CTNNA2: variants seen among roughly 807,000 people sequenced by gnomAD.
CTNNA2 encodes the protein catenin alpha-2.
CTNNA2 carries 42 observed loss-of-function variants against 101.0 expected under a neutral mutation model. That is an observed-to-expected ratio of 0.42 (90% CI 0.32 to 0.54). CTNNA2 has a LOEUF of 0.54. Ranked by LOEUF, CTNNA2 falls within the 20% of genes least tolerant of loss-of-function variation. The probability of loss-of-function intolerance (pLI) is 0.14; values close to 1 mark genes in which losing one functional copy is unlikely to be tolerated. For synonymous variants in CTNNA2, 450 were observed against 456.4 expected, an observed-to-expected ratio of 0.99 and a Z score of 0.18; for missense variants, 871 against 1,223.1, an observed-to-expected ratio of 0.71 and a Z score of 4.29.
intron 7 of CTNNA2, among the ~76,000 whole-genome samples, chr2:80,235,362 A>T (rs1709489593): frequency 6.6e-6 from 1 of 152,202 alleles, no homozygotes; most frequent in African/African-American, 2.4e-5. Flanking sequence ...AGATTTTTCC[A>T]AGTATTCGGG....
At chr2:80,237,533 A>G (rs1709610502) in intron 7 of CTNNA2, among the ~76,000 whole-genome samples, 1 of 152,134 alleles carries the variant, frequency 6.6e-6, no homozygotes, top group Non-Finnish European at 1.5e-5. Flanking sequence ...TAGTAGTAGG[A>G]GAGGTACTCT....
intron 7 of CTNNA2, among the ~76,000 whole-genome samples, chr2:80,086,389 A>G (rs1699439933): frequency 6.6e-6 from 1 of 152,068 alleles, no homozygotes; most frequent in Admixed American, 6.6e-5. Context: ...AAAAAGTGAA[A>G]TGCACCAAGA....
At chr2:79,215,857 T>G (rs1476357743) in intron 2 of CTNNA2, among the ~76,000 whole-genome samples, 3 of 151,810 alleles carry the variant, frequency 2.0e-5, no homozygotes, top group East Asian at 1.9e-4. Context: ...GAGCAGAGGC[T>G]GAGGAAGAAT....
At chr2:80,487,470 C>A (rs1343939362) in intron 9 of CTNNA2, among the ~76,000 whole-genome samples, 1 of 151,926 alleles carries the variant, frequency 6.6e-6, no homozygotes, top group Non-Finnish European at 1.5e-5. Flanking sequence ...GAAAGGGAAG[C>A]AGAAATGTCC....
intron 9 of CTNNA2, among the ~76,000 whole-genome samples, chr2:80,450,198 A>G (rs1477842055): frequency 1.3e-5 from 2 of 152,238 alleles, no homozygotes; most frequent in Non-Finnish European, 2.9e-5. Flanking sequence ...AATTAAAGAA[A>G]CATTTTTCAT....
chr2:79,332,469 C>T (rs558114477), intron 3 of CTNNA2, among the ~76,000 whole-genome samples: 2 of 152,120 alleles, frequency 1.3e-5, no homozygotes, highest in Non-Finnish European at 2.9e-5. Flanking sequence ...GAGAGGGTCT[C>T]CTCCTAGCAA....
chr2:80,362,816 A>T (rs1674538295), intron 7 of CTNNA2, among the ~76,000 whole-genome samples: 1 of 151,990 alleles, frequency 6.6e-6, no homozygotes, highest in African/African-American at 2.4e-5. Flanking sequence ...GTTCCATAGT[A>T]GTATTAACAA....
At chr2:80,396,672 A>G (rs950735765) in intron 8 of CTNNA2, among the ~76,000 whole-genome samples, 1 of 152,192 alleles carries the variant, frequency 6.6e-6, no homozygotes, top group African/African-American at 2.4e-5. Context: ...TCTGAATATT[A>G]TTTTTGTACT....
At chr2:80,094,045 A>G (rs1699978605) in intron 7 of CTNNA2, among the ~76,000 whole-genome samples, 1 of 152,090 alleles carries the variant, frequency 6.6e-6, no homozygotes, top group Non-Finnish European at 1.5e-5. Context: ...TTTTGTTGCC[A>G]TTGCTTTTGG....
At chr2:79,362,033 T>C (rs973410257) in intron 3 of CTNNA2, among the ~76,000 whole-genome samples, 1 of 152,162 alleles carries the variant, frequency 6.6e-6, no homozygotes, top group South Asian at 2.1e-4. Context: ...TTAACCATCA[T>C]ACTAGCCAAA....
intron 18 of CTNNA2, among the ~76,000 whole-genome samples, chr2:80,637,641 T>G (rs955460946): frequency 6.6e-6 from 1 of 152,106 alleles, no homozygotes; most frequent in Non-Finnish European, 1.5e-5. Context: ...GACTAGTTAT[T>G]TCCATACACC....
intron 7 of CTNNA2, among the ~76,000 whole-genome samples, chr2:80,080,643 C>A (rs1002320861): frequency 6.6e-6 from 1 of 152,118 alleles, no homozygotes; most frequent in African/African-American, 2.4e-5. Flanking sequence ...TGTTGCGAGC[C>A]TGTGTACACA....
intron 1 of CTNNA2, among the ~76,000 whole-genome samples, chr2:79,616,615 AT>A (rs1678638990): frequency 6.6e-6 from 1 of 152,100 alleles, no homozygotes; most frequent in Non-Finnish European, 1.5e-5. Context: ...TCACCTTCTA[AT>A]TCACCTACTC....
At chr2:79,269,260 A>C (rs1386218070) in intron 2 of CTNNA2, among the ~76,000 whole-genome samples, 1 of 152,140 alleles carries the variant, frequency 6.6e-6, no homozygotes, top group African/African-American at 2.4e-5. Flanking sequence ...TTGACAGCCT[A>C]AGCCAGCAGC....
At chr2:80,100,156 A>G (rs1700457107) in intron 7 of CTNNA2, among the ~76,000 whole-genome samples, 1 of 151,892 alleles carries the variant, frequency 6.6e-6, no homozygotes, top group African/African-American at 2.4e-5. Context: ...CTGGTCTCGA[A>G]CTCCTGACCT....
intron 2 of CTNNA2, among the ~76,000 whole-genome samples, chr2:79,712,176 G>C (rs138996216): frequency 1.3e-5 from 2 of 152,064 alleles, no homozygotes; most frequent in Admixed American, 1.3e-4. Flanking sequence ...TTATTAGCTC[G>C]ATCTTTAGTG....
intron 7 of CTNNA2, among the ~76,000 whole-genome samples, chr2:80,110,786 A>T (rs1701169464): frequency 1.3e-5 from 2 of 152,350 alleles, no homozygotes; most frequent in Non-Finnish European, 2.9e-5. Context: ...CTTGGTGGAT[A>T]TTAACTGAAA....
At chr2:80,316,567 G>C (rs1290278479) in intron 7 of CTNNA2, among the ~76,000 whole-genome samples, 2 of 152,092 alleles carry the variant, frequency 1.3e-5, no homozygotes, top group Non-Finnish European at 2.9e-5. Flanking sequence ...GCCGGCTGCT[G>C]GTCTCCCCTA....
At chr2:80,110,704 A>G (rs2148860387) in intron 7 of CTNNA2, among the ~76,000 whole-genome samples, 1 of 152,274 alleles carries the variant, frequency 6.6e-6, no homozygotes, top group African/African-American at 2.4e-5. Context: ...CCAATCTTAC[A>G]TCTTCAGAAT....
Sources: gnomAD v4.1 joint callset for allele counts (sites outside exome capture counted in the v4.1 genomes callset) on GRCh38, gnomAD v4.1.1 for gene constraint, MANE v1.5 for transcripts, NCBI Gene and HGNC (gene_info 2026-07-23, HGNC 2026-07-21) for gene names.